Variants in RPSA2 observed in about 807,000 individuals in gnomAD.
RPSA2 encodes the protein small ribosomal subunit protein uS2B.
chr19:23,769,607 G>A, the RPSA2 span, among the ~76,000 whole-genome samples: 5 of 152,322 alleles, frequency 3.3e-5, no homozygotes, highest in East Asian at 9.7e-4. Flanking sequence ...ACCTCCCAAA[G>A]TGCTGGGATT....
the RPSA2 span, among the ~76,000 whole-genome samples, chr19:23,777,018 T>G: frequency 6.6e-6 from 1 of 152,310 alleles, no homozygotes; most frequent in Non-Finnish European, 1.5e-5. Context: ...GGCCCAGTAC[T>G]TACTTGATGT....
At chr19:23,868,353 A>G in the RPSA2 span, among the ~76,000 whole-genome samples, 3 of 152,322 alleles carry the variant, frequency 2.0e-5, no homozygotes, top group East Asian at 5.8e-4. Context: ...CCGTTTGCTC[A>G]TATGGAGATT....
At chr19:23,825,098 G>A in the RPSA2 span, among the ~76,000 whole-genome samples, 62 of 151,950 alleles carry the variant, frequency 4.1e-4, 1 homozygote, top group Non-Finnish European at 8.1e-4. Flanking sequence ...TCTTGCCTCA[G>A]CATCCTGAGT....
the RPSA2 span, among the ~76,000 whole-genome samples, chr19:23,824,817 T>C: frequency 5.0e-5 from 2 of 39,906 alleles, no homozygotes; most frequent in East Asian, 7.1e-4. Context: ...TCAAGTATTA[T>C]TGGTTAGAAA....
chr19:23,806,235 G>A, the RPSA2 span, among the ~76,000 whole-genome samples: 1 of 151,502 alleles, frequency 6.6e-6, no homozygotes, highest in African/African-American at 2.4e-5. Context: ...AGTAGAGACG[G>A]GGTTTTACCA....
chr19:23,759,529 T>TTTTTTTTTTTC, the RPSA2 span, among the ~76,000 whole-genome samples: 1 of 133,166 alleles, frequency 7.5e-6, no homozygotes, highest in Admixed American at 7.8e-5. Flanking sequence ...CAGGTTTTTT[T>TTTTTTTTTTTC]TTTTTTTTTT....
At chr19:23,819,458 T>A in the RPSA2 span, 6 of 152,214 alleles carry the variant, frequency 3.9e-5, no homozygotes, top group Admixed American at 3.9e-4. Flanking sequence ...TTAGCAGCAG[T>A]GAGTAGACAA....
the RPSA2 span, among the ~76,000 whole-genome samples, chr19:23,763,547 C>T: frequency 6.6e-6 from 1 of 152,210 alleles, no homozygotes; most frequent in South Asian, 2.1e-4. Context: ...GTGTTCACGG[C>T]AACCTCCGCC....
chr19:23,842,124 C>T, the RPSA2 span, among the ~76,000 whole-genome samples: 30,053 of 152,160 alleles, frequency 0.2, 3,452 homozygotes, highest in East Asian at 0.51. Flanking sequence ...TCTCATCCCA[C>T]ATCCCTTGAA....
chr19:23,808,056 G>A, the RPSA2 span: 1 of 190,484 alleles, frequency 5.2e-6, no homozygotes, highest in Non-Finnish European at 1.1e-5. Flanking sequence ...AAATCCTGGG[G>A]ATTTGTCTGT....
At chr19:23,867,312 G>T in the RPSA2 span, among the ~76,000 whole-genome samples, 1 of 152,166 alleles carries the variant, frequency 6.6e-6, no homozygotes, top group Admixed American at 6.5e-5. Flanking sequence ...ACCTTGTCTT[G>T]GTCCGGATGG....
chr19:23,778,759 TA>T, the RPSA2 span, among the ~76,000 whole-genome samples: 1 of 152,088 alleles, frequency 6.6e-6, no homozygotes, highest in African/African-American at 2.4e-5. Context: ...GAACTGTCCA[TA>T]ATGAGGATTG....
At chr19:23,827,392 A>G in the RPSA2 span, 1 of 1,463,756 alleles carries the variant, frequency 6.8e-7, no homozygotes, top group Non-Finnish European at 9.5e-7. Context: ...TCAGTGTTAT[A>G]TCCTCCAGGA....
At chr19:23,782,218 T>TC in the RPSA2 span, 1 of 152,242 alleles carries the variant, frequency 6.6e-6, no homozygotes, top group Non-Finnish European at 1.5e-5. Flanking sequence ...TGTTCCCTAA[T>TC]CACAGGGGGT....
chr19:23,806,637 T>A, the RPSA2 span, among the ~76,000 whole-genome samples: 5 of 151,370 alleles, frequency 3.3e-5, no homozygotes, highest in Non-Finnish European at 5.9e-5. Context: ...TACAAAAAAT[T>A]AGCCAGGCAT....
chr19:23,800,574 C>T, the RPSA2 span, among the ~76,000 whole-genome samples: 1 of 151,518 alleles, frequency 6.6e-6, no homozygotes, highest in Non-Finnish European at 1.5e-5. Flanking sequence ...CTATAGTCCT[C>T]CACAGTCACT....
At chr19:23,765,943 A>G in the RPSA2 span, among the ~76,000 whole-genome samples, 2 of 148,132 alleles carry the variant, frequency 1.4e-5, no homozygotes, top group African/African-American at 5.0e-5. Flanking sequence ...GTGTGTAAAA[A>G]ATTAATTTAT....
chr19:23,858,084 T>G, the RPSA2 span, among the ~76,000 whole-genome samples: 1 of 146,394 alleles, frequency 6.8e-6, no homozygotes, highest in Admixed American at 7.1e-5. Flanking sequence ...AGACTCTGTA[T>G]AAGTTTCTTG....
the RPSA2 span, chr19:23,831,578 T>A: frequency 2.5e-5 from 4 of 163,222 alleles, no homozygotes; most frequent in African/African-American, 9.6e-5. Context: ...ATTTATTATT[T>A]TTATTTTTAT....
Sources: allele counts gnomAD v4.1 joint callset (sites outside exome capture counted in the v4.1 genomes callset), GRCh38; gene constraint gnomAD v4.1.1; transcripts MANE v1.5; gene names NCBI Gene and HGNC (gene_info 2026-07-23, HGNC 2026-07-21).